COPS4: variants seen among roughly 807,000 people sequenced by gnomAD.
COPS4 encodes the protein COP9 signalosome subunit 4.
In COPS4, 8 loss-of-function variants were observed where a neutral mutation model predicts 55.1. The observed-to-expected ratio is 0.15, with a 90% CI of 0.09 to 0.26. The LOEUF (loss-of-function observed/expected upper bound fraction) is 0.26, where lower values mean the gene tolerates loss of function less well. COPS4 is among the 10% of genes least tolerant of loss of function. The probability of loss-of-function intolerance (pLI) is 1.00; values close to 1 mark genes in which losing one functional copy is unlikely to be tolerated. For synonymous variants in COPS4, 185 were observed against 165.7 expected (o/e 1.12, Z -0.90); for missense variants, 248 against 484.0 (o/e 0.51, Z 4.58).
At chr4:83,062,864 A>C in intron 6 of COPS4, 1 of 413,294 alleles carries the variant, frequency 2.4e-6, no homozygotes, top group Non-Finnish European at 4.3e-6. Context: ...CCAGATGCTC[A>C]CAGGAACCTA....
chr4:83,035,194 C>G lies in COPS4; in HGVS notation c.-31C>G. The G allele has an allele frequency of 6.5e-7, 1 of 1,528,270 alleles. No individual in the cohort carries two copies. Among genetic ancestry groups the G allele is most frequent in the Non-Finnish European group, 8.9e-7 (1 of 1,123,930 alleles). 94.7% of individuals were successfully genotyped at this position (1,528,270 alleles called of 1,614,324 possible). ...TCGTTTTCTTTTTGGCTGCCAGAGGCCCCCGCATCCACCGCTGAGCTGGGA... is the reference window on the plus strand; with the variant it reads ...TCGTTTTCTTTTTGGCTGCCAGAGGGCCCCGCATCCACCGCTGAGCTGGGA... On this transcript the variant is annotated 5_prime_UTR_variant, in exon 1 of 10. Coordinates refer to ENST00000264389, the MANE Select transcript of COPS4 (RefSeq NM_016129.3).
intron 2 of COPS4, among the ~76,000 whole-genome samples, chr4:83,048,332 G>A (rs1479377211): frequency 6.6e-6 from 1 of 152,116 alleles, no homozygotes; most frequent in Non-Finnish European, 1.5e-5. Context: ...TATAAATAAT[G>A]TCAATACATC....
intron 1 of COPS4, among the ~76,000 whole-genome samples, chr4:83,036,710 T>A (rs1356102976): frequency 6.6e-6 from 1 of 152,222 alleles, no homozygotes; most frequent in South Asian, 2.1e-4. Context: ...ATTCACTTAT[T>A]GTATGGGTTG....
intron 2 of COPS4, among the ~76,000 whole-genome samples, chr4:83,047,168 G>C (rs975337125): frequency 3.3e-5 from 5 of 152,164 alleles, no homozygotes; most frequent in African/African-American, 1.2e-4. Flanking sequence ...AACTAGCAAT[G>C]GTTTCCAAAA....
chr4:83,044,499 C>T (rs1042262428), intron 1 of COPS4, among the ~76,000 whole-genome samples: 13 of 141,086 alleles, frequency 9.2e-5, no homozygotes, highest in African/African-American at 1.9e-4. Flanking sequence ...TAGTATAGGC[C>T]GGGCACGGTG....
At chr4:83,074,788 G>T (rs1224762589) in intron 9 of COPS4, among the ~76,000 whole-genome samples, 1 of 151,796 alleles carries the variant, frequency 6.6e-6, no homozygotes, top group African/African-American at 2.4e-5. Context: ...TTACAGGCGT[G>T]AGCCACCATG....
intron 4 of COPS4, among the ~76,000 whole-genome samples, chr4:83,054,092 C>T (rs1730957422): frequency 6.6e-6 from 1 of 152,116 alleles, no homozygotes; most frequent in Admixed American, 6.5e-5. Flanking sequence ...CCTGTAATCC[C>T]AGCACTTTGG....
chr4:83,056,398 C>A (rs1334437555), intron 4 of COPS4, among the ~76,000 whole-genome samples: 1 of 152,112 alleles, frequency 6.6e-6, no homozygotes, highest in Non-Finnish European at 1.5e-5. Flanking sequence ...CTTTTAAGAT[C>A]TTTAGCTTGT....
chr4:83,071,441 A>G (rs975243332), intron 9 of COPS4, among the ~76,000 whole-genome samples: 2 of 151,844 alleles, frequency 1.3e-5, no homozygotes, highest in African/African-American at 4.8e-5. Flanking sequence ...TTTTCTTAAG[A>G]GACAACTCGC....
At chr4:83,048,924 C>T (rs1055741371) in intron 2 of COPS4, among the ~76,000 whole-genome samples, 1 of 152,056 alleles carries the variant, frequency 6.6e-6, no homozygotes, top group Non-Finnish European at 1.5e-5. Flanking sequence ...AGATTACAGG[C>T]GTGAGCCATC....
intron 1 of COPS4, 65 bp from the exon 2 acceptor site, chr4:83,045,557 TACAC>T (rs776409137): frequency 5.0e-6 from 6 of 1,207,662 alleles, no homozygotes; most frequent in Non-Finnish European, 6.1e-6. Flanking sequence ...AATGAATAAA[TACAC>T]ATCAAAGTTT....
At chr4:83,046,889 C>T (rs941248314) in intron 2 of COPS4, among the ~76,000 whole-genome samples, 1 of 152,002 alleles carries the variant, frequency 6.6e-6, no homozygotes, top group Non-Finnish European at 1.5e-5. Context: ...CTGGCAGAGC[C>T]CAGATCAGAA....
chr4:83,053,744 G>C (rs1406790033), intron 4 of COPS4, among the ~76,000 whole-genome samples: 1 of 145,652 alleles, frequency 6.9e-6, no homozygotes, highest in Non-Finnish European at 1.5e-5. Context: ...GGAGGCTGAA[G>C]CACAAGAATC....
In COPS4 at chr4:83,057,044, G is replaced by C; in HGVS notation, c.529G>C (p.Glu177Gln). 6.2e-7 allele frequency: 1 copy of C among 1,614,014 alleles called. No homozygotes were observed. The highest frequency in any genetic ancestry group is 8.5e-7 in the Non-Finnish European group (1 of 1,179,948). The change falls in exon 5 of 10, where the codon GAA becomes CAA. Residue 177 changes from glutamate (E) to glutamine (Q), a missense_variant. Physicochemically the swap from Glu to Gln is conservative, Grantham distance 29 (BLOSUM62 2). Transcript: ENST00000264389. Reference protein sequence around the residue: ...YINRASLLQNESTNEQLQIHY... With the variant: ...YINRASLLQNQSTNEQLQIHY... ...AAATCGAGCATCGTTGCTTCAGAAT[G>C]AATCAACCAATGAACAATTACAGAT...
At chr4:83,040,135 C>T (rs1477778619) in intron 1 of COPS4, among the ~76,000 whole-genome samples, 1 of 152,182 alleles carries the variant, frequency 6.6e-6, no homozygotes, top group Non-Finnish European at 1.5e-5. Flanking sequence ...CCGTTAAGTA[C>T]TCCATTGAGT....
intron 7 of COPS4, 130 bp downstream of exon 7, chr4:83,063,376 T>A: frequency 1.6e-6 from 1 of 644,524 alleles, no homozygotes; most frequent in South Asian, 4.2e-5. Context: ...AGAGGAATTG[T>A]TTTTATTTAA....
chr4:83,065,481 T>C (rs1341675072), intron 7 of COPS4, among the ~76,000 whole-genome samples: 1 of 152,090 alleles, frequency 6.6e-6, no homozygotes, highest in Non-Finnish European at 1.5e-5. Context: ...AAGTGAGGCA[T>C]TGTAAGAAAA....
At chr4:83,049,410 C>A (rs1730801518) in intron 3 of COPS4, 93 bp downstream of exon 3, 1 of 1,159,786 alleles carries the variant, frequency 8.6e-7, no homozygotes, top group Non-Finnish European at 1.2e-6. Flanking sequence ...GATAATCATC[C>A]AATTTCATTT....
intron 6 of COPS4, among the ~76,000 whole-genome samples, chr4:83,059,997 G>A (rs1731120932): frequency 6.6e-6 from 1 of 151,948 alleles, no homozygotes; most frequent in African/African-American, 2.4e-5. Flanking sequence ...CACCGCACCC[G>A]GCCGAAACAG....
Sources: gnomAD v4.1 joint callset for allele counts (sites outside exome capture counted in the v4.1 genomes callset) on GRCh38, gnomAD v4.1.1 for gene constraint, MANE v1.5 for transcripts, NCBI Gene and HGNC (gene_info 2026-07-23, HGNC 2026-07-21) for gene names.